The following NR1I2 variants were observed in gnomAD, a reference collection of about 807,000 sequenced individuals.
NR1I2 encodes orphan nuclear receptor PAR1.
A neutral mutation model predicts 43.3 loss-of-function variants in NR1I2; 42 were observed. The ratio of observed to expected loss-of-function variants is 0.97; its 90% confidence interval spans 0.76 to 1.26. The LOEUF (loss-of-function observed/expected upper bound fraction) is 1.26, where lower values mean the gene tolerates loss of function less well. Among genes scored for constraint, NR1I2 ranks in the 50% most tolerant of loss-of-function variants. The pLI is 0.00. For synonymous variants in NR1I2, 229 were observed against 215.0 expected, an observed-to-expected ratio of 1.06 and a Z score of -0.57; for missense variants, 559 against 566.7, an observed-to-expected ratio of 0.99 and a Z score of 0.14.
chr3:119,816,988 T>C (rs2055338378), intron 8 of NR1I2, 80 bp from the exon 9 acceptor site: 1 of 1,573,284 alleles, frequency 6.4e-7, no homozygotes, highest in Admixed American at 1.7e-5. Context: ...GAGATTATGC[T>C]TGTGCAGCCT....
At chr3:119,795,003 A>C (rs1283227582) in intron 1 of NR1I2, among the ~76,000 whole-genome samples, 2 of 152,222 alleles carry the variant, frequency 1.3e-5, no homozygotes, top group African/African-American at 4.8e-5. Flanking sequence ...AAATTGTGTA[A>C]GCCTCAGAAC....
At position 119,814,578 on chromosome 3, in the gene NR1I2, G is replaced by C. The variant is rs2055291022; in HGVS notation, c.795-401G>C. On this transcript the variant is annotated intron_variant, in intron 5 of 8. Coordinates refer to ENST00000393716, the MANE Select transcript of NR1I2 (RefSeq NM_003889.4). ...GGCAAAGACATAGCATGGCCTGAGGGGCTAGCAGGATATACTAAAGGGGAA... is the reference window on the plus strand; with the variant it reads ...GGCAAAGACATAGCATGGCCTGAGGCGCTAGCAGGATATACTAAAGGGGAA... Among the ~76,000 whole-genome samples the C allele has an allele frequency of 2.0e-5, 3 of 152,308 alleles. No homozygotes were observed. In the South Asian group the frequency reaches 6.2e-4, roughly 32 times the overall value.
chr3:119,789,814 T>A (rs763649683), intron 1 of NR1I2, among the ~76,000 whole-genome samples: 8 of 152,204 alleles, frequency 5.3e-5, no homozygotes, highest in Non-Finnish European at 7.3e-5. Context: ...CTATTTTGGC[T>A]TCCTTTTCAA....
At chr3:119,807,583 A>C in intron 2 of NR1I2, 136 bp downstream of exon 2, 5 of 724,794 alleles carry the variant, frequency 6.9e-6, no homozygotes, top group East Asian at 2.7e-5. Flanking sequence ...AATTAGTCTC[A>C]AGGGAGCCAT....
chr3:119,796,454 G>A (rs1451149305), intron 1 of NR1I2, among the ~76,000 whole-genome samples: 2 of 152,072 alleles, frequency 1.3e-5, no homozygotes, highest in Non-Finnish European at 2.9e-5. Context: ...ATGCTGCTTC[G>A]CATCCCTTCC....
In NR1I2 at chr3:119,815,446, A is replaced by G; in HGVS notation, c.1054+7A>G. The G allele has an allele frequency of 6.3e-7, 1 of 1,597,560 alleles. No individual in the cohort carries two copies. Among genetic ancestry groups the G allele is most frequent in the South Asian group, 1.1e-5 (1 of 90,716 alleles). On this transcript the variant is annotated splice_region_variant and intron_variant, in intron 7 of 8. Coordinates refer to ENST00000393716, the MANE Select transcript of NR1I2 (RefSeq NM_003889.4). Reference sequence around the variant, plus strand: ...ATCTCCCTCTTCTCCCCAGGTGAGGATCTCCCCTAGGCTGCCTGACATCCC... The same window carrying G: ...ATCTCCCTCTTCTCCCCAGGTGAGGGTCTCCCCTAGGCTGCCTGACATCCC...
rs1160667049 is a variant in NR1I2 at position 119,805,699 on chromosome 3, TC to T, written c.-22-1523del. Among the ~76,000 whole-genome samples the T allele has an allele frequency of 3.3e-3, 59 of 18,100 alleles. 2 individuals carry two copies. In the South Asian group the frequency reaches 0.16, roughly 48 times the overall value. The allele number at this position is 18,100 out of a possible 152,430, so 11.9% of individuals were successfully genotyped here. On this transcript the variant is annotated intron_variant, in intron 1 of 8. Coordinates refer to ENST00000393716, the MANE Select transcript of NR1I2 (RefSeq NM_003889.4). Reference sequence around the variant, plus strand: ...GCCTGGGTGACAGAGCAAGACTTGGTCCCCCCCTCCCCCCCACCAAAAAAAA... The same window carrying T: ...GCCTGGGTGACAGAGCAAGACTTGGTCCCCCCTCCCCCCCACCAAAAAAAA...
chr3:119,809,133 C>T (rs986231476), intron 2 of NR1I2, among the ~76,000 whole-genome samples: 1 of 152,212 alleles, frequency 6.6e-6, no homozygotes, highest in African/African-American at 2.4e-5. Context: ...GGCCAGCCTT[C>T]CCTCAGTTTC....
intron 8 of NR1I2, 30 bp from the exon 9 acceptor site, chr3:119,817,038 C>G (rs2055339319): frequency 6.2e-7 from 1 of 1,613,904 alleles, no homozygotes; most frequent in Non-Finnish European, 8.5e-7. Flanking sequence ...GCGGGCTGCA[C>G]CCACAATCTT....
chr3:119,817,078 C>T lies in NR1I2; in HGVS notation c.1171C>T (p.Leu391=). The change falls in exon 9 of 9, where the codon CTG becomes TTG. Residue 391 remains leucine (L), a synonymous_variant. Coordinates refer to ENST00000393716, the MANE Select transcript of NR1I2 (RefSeq NM_003889.4). ...CTGGCTGGCATGCAGGTTCTTGTTC[C>T]TGAAGATCATGGCTATGCTCACCGA... 1 of 1,614,192 alleles carries T rather than the reference C, an allele frequency of 6.2e-7. No homozygotes were observed. Among genetic ancestry groups the T allele is most frequent in the Non-Finnish European group, 8.5e-7 (1 of 1,180,038 alleles).
At position 119,809,462 on chromosome 3, in the gene NR1I2, G is replaced by A. The variant is rs965488610; in HGVS notation, c.198-599G>A. ...TCTGCCATGGGGAAGTCGCTGCCCC[G>A]TAGGGTATAAGAACTTCCCCATAGT... On this transcript the variant is annotated intron_variant, in intron 2 of 8. Transcript: ENST00000393716. 7.3e-5 allele frequency among the ~76,000 whole-genome samples: 11 copies of A among 151,692 alleles called. No homozygotes were observed. In the East Asian group the frequency reaches 2.2e-3, roughly 30 times the overall value.
Position 119,815,433 on chromosome 3 carries a change from T to TTC in NR1I2, c.1048_1049insTC (p.Ser350PhefsTer25). 5 of 1,611,416 alleles carry TTC rather than the reference T, an allele frequency of 3.1e-6. No individual in the cohort carries two copies. Among genetic ancestry groups the TTC allele is most frequent in the Non-Finnish European group, 4.2e-6 (5 of 1,178,894 alleles). ...GCTGATGCAGGCCATCTCCCTCTTC[T>TTC]CCCCAGGTGAGGATCTCCCCTAGGC... On this transcript the variant is annotated frameshift_variant, in exon 7 of 9. Transcript: ENST00000393716. LOFTEE classifies it high-confidence loss of function.
intron 3 of NR1I2, 116 bp from the exon 4 acceptor site, chr3:119,811,423 C>T: frequency 9.8e-7 from 1 of 1,016,522 alleles, no homozygotes; most frequent in Non-Finnish European, 1.4e-6. Flanking sequence ...GTCACCATTA[C>T]TTTCTCTTTT....
At chr3:119,792,823 TGAG>T (rs993852930) in intron 1 of NR1I2, among the ~76,000 whole-genome samples, 5 of 152,112 alleles carry the variant, frequency 3.3e-5, no homozygotes, top group Middle Eastern at 3.4e-3. Context: ...TATAGTGAGC[TGAG>T]ATCGCGCCAC....
intron 1 of NR1I2, among the ~76,000 whole-genome samples, chr3:119,785,366 TG>T (rs1240877259): frequency 9.9e-5 from 15 of 152,226 alleles, no homozygotes; most frequent in African/African-American, 3.4e-4. Context: ...CAGAACTAAC[TG>T]GGACCACCAT....
chr3:119,814,670 G>GTA, intron 5 of NR1I2, among the ~76,000 whole-genome samples: 1 of 152,222 alleles, frequency 6.6e-6, no homozygotes, highest in Non-Finnish European at 1.5e-5. Context: ...AGCACTAGCT[G>GTA]TAGGTCAGGA....
At chr3:119,795,782 T>A (rs184864857) in intron 1 of NR1I2, among the ~76,000 whole-genome samples, 1 of 152,252 alleles carries the variant, frequency 6.6e-6, no homozygotes, top group Non-Finnish European at 1.5e-5. Flanking sequence ...GATCATCCCT[T>A]TTCTAGTATT....
Position 119,807,382 on chromosome 3 carries a change from T to TG in NR1I2, c.136dup (p.Asp46GlyfsTer14). ...GAGGTCCCCAAATCTGCCGTGTATG[T>TG]GGGGACAAGGCCACTGGCTATCACT... is the stretch of plus-strand genomic sequence containing the variant. On this transcript the variant is annotated frameshift_variant, in exon 2 of 9. Coordinates refer to ENST00000393716, the MANE Select transcript of NR1I2 (RefSeq NM_003889.4). LOFTEE classifies it high-confidence loss of function. 1 of 1,614,226 alleles carries TG rather than the reference T, an allele frequency of 6.2e-7. No homozygotes were observed. Among genetic ancestry groups the TG allele is most frequent in the Non-Finnish European group, 8.5e-7 (1 of 1,180,046 alleles).
chr3:119,789,843 A>G (rs1205233790), intron 1 of NR1I2, among the ~76,000 whole-genome samples: 2 of 152,176 alleles, frequency 1.3e-5, no homozygotes, highest in African/African-American at 2.4e-5. Flanking sequence ...CAATTTAAAT[A>G]TTATTTAAAT....
Sources: allele counts gnomAD v4.1 joint callset (sites outside exome capture counted in the v4.1 genomes callset), GRCh38; gene constraint gnomAD v4.1.1; transcripts MANE v1.5; gene names NCBI Gene and HGNC (gene_info 2026-07-23, HGNC 2026-07-21).